ARSB: variants seen among roughly 807,000 people sequenced by gnomAD.
ARSB encodes N-acetylgalactosamine-4-sulfatase.
A neutral mutation model predicts 50.9 loss-of-function variants in ARSB; 41 were observed. That is an observed-to-expected ratio of 0.81 (90% confidence interval 0.63 to 1.04). ARSB has a LOEUF of 1.04. Ranked by LOEUF, ARSB falls within the 50% of genes least tolerant of loss-of-function variation. ARSB has a pLI of 0.00. For missense variants in ARSB, 672 were observed against 693.3 expected, an observed-to-expected ratio of 0.97 and a Z score of 0.35; for synonymous variants, 269 against 284.8, an observed-to-expected ratio of 0.94 and a Z score of 0.56.
intron 4 of ARSB, among the ~76,000 whole-genome samples, chr5:78,920,140 C>T (rs988749766): frequency 1.3e-5 from 2 of 152,172 alleles, no homozygotes; most frequent in Non-Finnish European, 2.9e-5. Context: ...GAAAGGGTAA[C>T]AAGTGTGTTC....
chr5:78,890,789 A>G (rs1277731617), intron 4 of ARSB, among the ~76,000 whole-genome samples: 1 of 152,148 alleles, frequency 6.6e-6, no homozygotes, highest in Non-Finnish European at 1.5e-5. Flanking sequence ...CGTAGAACTA[A>G]CTTCTCCCTG....
intron 1 of ARSB, among the ~76,000 whole-genome samples, chr5:78,970,489 A>C (rs1752407663): frequency 6.6e-6 from 1 of 152,196 alleles, no homozygotes; most frequent in Non-Finnish European, 1.5e-5. Context: ...AACCCATTTA[A>C]ATCTATGCTC....
chr5:78,939,814 G>T (rs1750816957), intron 4 of ARSB, among the ~76,000 whole-genome samples: 1 of 152,098 alleles, frequency 6.6e-6, no homozygotes, highest in Non-Finnish European at 1.5e-5. Context: ...GGATGGCTGG[G>T]TCAAATGGTA....
At chr5:78,972,516 T>TACACACACACACACACAC (rs59035274) in intron 1 of ARSB, among the ~76,000 whole-genome samples, 1,709 of 145,640 alleles carry the variant, frequency 0.012, 40 homozygotes, top group African/African-American at 0.043. Flanking sequence ...CACGCATACG[T>TACACACACACACACACAC]ACACACACAC....
At position 78,874,726 on chromosome 5, in the gene ARSB, TA is replaced by T. The variant is rs1475381557; in HGVS notation, c.1142+10857del. On this transcript the variant is annotated intron_variant, in intron 5 of 7. Transcript: ENST00000264914. Reference sequence around the variant, plus strand: ...TGGATCATAAAGAAAAACCTAACACTATACTTAACAACTACAGAATACGCAT... The same window carrying T: ...TGGATCATAAAGAAAAACCTAACACTTACTTAACAACTACAGAATACGCAT... Among the ~76,000 whole-genome samples, 4 of 152,230 alleles carry T rather than the reference TA, an allele frequency of 2.6e-5. No individual in the cohort carries two copies. In the East Asian group the frequency reaches 7.7e-4, roughly 29 times the overall value.
At chr5:78,980,421 T>C (rs566274157) in intron 1 of ARSB, among the ~76,000 whole-genome samples, 5 of 152,298 alleles carry the variant, frequency 3.3e-5, no homozygotes, top group African/African-American at 1.2e-4. Context: ...CACTTCACCA[T>C]TCTTTGATAT....
intron 4 of ARSB, among the ~76,000 whole-genome samples, chr5:78,941,815 T>C (rs1333926941): frequency 6.6e-6 from 1 of 152,168 alleles, no homozygotes; most frequent in Non-Finnish European, 1.5e-5. Context: ...TTAGGGAGGA[T>C]TCCCTCTTTT....
intron 4 of ARSB, among the ~76,000 whole-genome samples, chr5:78,933,935 G>A (rs1750468488): frequency 6.6e-6 from 1 of 152,176 alleles, no homozygotes; most frequent in Non-Finnish European, 1.5e-5. Flanking sequence ...AGAAAAAGGA[G>A]GAGAGATTCA....
At chr5:78,970,456 T>C (rs970379653) in intron 1 of ARSB, among the ~76,000 whole-genome samples, 6 of 152,360 alleles carry the variant, frequency 3.9e-5, no homozygotes, top group African/African-American at 1.4e-4. Flanking sequence ...TTTTAACTTA[T>C]GGGGCAAATT....
intron 2 of ARSB, 147 bp from the exon 3 acceptor site, chr5:78,964,753 GTC>G (rs1752135526): frequency 1.3e-6 from 1 of 781,138 alleles, no homozygotes; most frequent in Non-Finnish European, 2.2e-6. Context: ...TTCTCAACAT[GTC>G]TATATCTGGT....
chr5:78,799,900 C>T (rs1206516563), intron 6 of ARSB, among the ~76,000 whole-genome samples: 2 of 152,226 alleles, frequency 1.3e-5, no homozygotes, highest in South Asian at 2.1e-4. Flanking sequence ...CCCAGGGCAA[C>T]ACCCCTACAC....
rs781006512 is a variant in ARSB at position 78,781,909 on chromosome 5, T to G, written c.1279A>C (p.Thr427Pro). Residue 427 changes from threonine to proline, a missense_variant, in exon 7 of 8, where the codon ACA becomes CCA. Coordinates refer to ENST00000264914, the MANE Select transcript of ARSB (RefSeq NM_000046.5). ...TGTCTAATTGCAGCATGGACAGATG[T>G]GTTAAAGGCTGAATATTCTGGAAGA... is the stretch of plus-strand genomic sequence containing the variant. ...SSLPEYSAFNTSVHAAIRHGN... is the reference protein window; with the variant it reads ...SSLPEYSAFNPSVHAAIRHGN... 1.9e-6 allele frequency: 3 copies of G among 1,613,992 alleles called. No homozygotes were observed. Among genetic ancestry groups the G allele is most frequent in the African/African-American group, 1.3e-5 (1 of 74,924 alleles).
At chr5:78,945,082 G>A (rs138110874) in intron 4 of ARSB, among the ~76,000 whole-genome samples, 5,718 of 152,256 alleles carry the variant, frequency 0.038, 349 homozygotes, top group African/African-American at 0.13. Flanking sequence ...TGAGCCAGGC[G>A]CGGGATACAA....
intron 6 of ARSB, among the ~76,000 whole-genome samples, chr5:78,795,280 A>C (rs1380853883): frequency 2.6e-5 from 4 of 152,134 alleles, no homozygotes; most frequent in Admixed American, 2.6e-4. Context: ...GAGTCTCCAG[A>C]GGTCCCTCCA....
At chr5:78,909,409 T>C (rs1334936417) in intron 4 of ARSB, among the ~76,000 whole-genome samples, 1 of 152,168 alleles carries the variant, frequency 6.6e-6, no homozygotes. Context: ...TGTCTCTATG[T>C]AGAAAGGGAA....
intron 4 of ARSB, among the ~76,000 whole-genome samples, chr5:78,913,916 GAAT>G (rs1377812561): frequency 2.0e-5 from 3 of 150,544 alleles, no homozygotes; most frequent in African/African-American, 4.9e-5. Flanking sequence ...CTTAGGAGTA[GAAT>G]AATAATAATT....
intron 5 of ARSB, among the ~76,000 whole-genome samples, chr5:78,867,328 G>A (rs1303451266): frequency 6.6e-6 from 1 of 151,668 alleles, no homozygotes; most frequent in Non-Finnish European, 1.5e-5. Context: ...AGCTCAAGGA[G>A]GCCTGCCTGC....
rs189918633 is a variant in ARSB, at chr5:78,943,703, C to T, written c.898+11592G>A. 5.9e-3 allele frequency among the ~76,000 whole-genome samples: 899 copies of T among 152,228 alleles called. 19 individuals are homozygous for T. The highest frequency in any genetic ancestry group is 4.6e-3 in the Non-Finnish European group (316 of 68,026). On this transcript the variant is annotated intron_variant, in intron 4 of 7. Transcript: ENST00000264914. ...TAACCTGACCTTTCTCTCTGGCTGC[C>T]GTTAACATTTTTTCCTTCATTTCAA...
chr5:78,892,634 G>A (rs1489439083), intron 4 of ARSB, among the ~76,000 whole-genome samples: 1 of 152,048 alleles, frequency 6.6e-6, no homozygotes, highest in East Asian at 1.9e-4. Context: ...TACTATCAGG[G>A]GAGAGCCAGG....
Sources: allele counts gnomAD v4.1 joint callset (sites outside exome capture counted in the v4.1 genomes callset), GRCh38; gene constraint gnomAD v4.1.1; transcripts MANE v1.5; gene names NCBI Gene and HGNC (gene_info 2026-07-23, HGNC 2026-07-21).